Variants in PHTF1 observed in about 807,000 individuals in gnomAD.
PHTF1 encodes putative homeodomain transcription factor 1, also known as protein PHTF1.
PHTF1 carries 88 observed loss-of-function variants against 102.4 expected under a neutral mutation model. The ratio of observed to expected loss-of-function variants is 0.86; its 90% CI spans 0.72 to 1.03. The LOEUF is 1.03. Ranked by LOEUF, PHTF1 falls within the 50% of genes least tolerant of loss-of-function variation. The pLI is 0.00. For missense variants in PHTF1, 814 were observed against 909.5 expected (o/e 0.89, Z 1.35); for synonymous variants, 289 against 305.2 (o/e 0.95, Z 0.55).
chr1:113,710,226 T>G (rs768435410), intron 11 of PHTF1, 28 bp downstream of exon 11: 15 of 1,483,414 alleles, frequency 1.0e-5, no homozygotes, highest in Non-Finnish European at 1.3e-5. Context: ...CAATAAATAC[T>G]AGCTATTCTT....
At chr1:113,706,372 T>C (rs1190840900) in intron 12 of PHTF1, among the ~76,000 whole-genome samples, 3 of 152,266 alleles carry the variant, frequency 2.0e-5, no homozygotes, top group South Asian at 4.1e-4. Flanking sequence ...CAGTTGATTA[T>C]GTTAATAGAG....
intron 13 of PHTF1, among the ~76,000 whole-genome samples, chr1:113,705,011 G>A (rs1649912597): frequency 6.6e-6 from 1 of 152,162 alleles, no homozygotes; most frequent in African/African-American, 2.4e-5. Context: ...TCACAATGTG[G>A]TACACTCAAC....
At chr1:113,711,215 T>A (rs1047083244) in intron 10 of PHTF1, among the ~76,000 whole-genome samples, 6 of 151,986 alleles carry the variant, frequency 3.9e-5, no homozygotes, top group African/African-American at 1.4e-4. Flanking sequence ...GGATAATCAG[T>A]CAAAGAAAAG....
At chr1:113,699,298 A>G (rs1392989332) in intron 17 of PHTF1, 1 of 270,364 alleles carries the variant, frequency 3.7e-6, no homozygotes, top group East Asian at 1.2e-4. Flanking sequence ...GAGCTTGACC[A>G]TGATTATAGC....
chr1:113,723,694 A>ACT (rs1337137445), intron 7 of PHTF1, among the ~76,000 whole-genome samples: 2 of 152,132 alleles, frequency 1.3e-5, no homozygotes, highest in African/African-American at 4.8e-5. Context: ...CATTAGGGAA[A>ACT]CTCTCCAGAT....
intron 5 of PHTF1, among the ~76,000 whole-genome samples, chr1:113,735,479 A>C (rs1655353362): frequency 6.6e-6 from 1 of 151,660 alleles, no homozygotes; most frequent in East Asian, 1.9e-4. Context: ...TACAGACATT[A>C]AAATGATAGT....
chr1:113,704,446 T>C (rs568848834), intron 14 of PHTF1, among the ~76,000 whole-genome samples: 6 of 152,290 alleles, frequency 3.9e-5, no homozygotes, highest in Admixed American at 1.3e-4. Context: ...ACTTTGCCCC[T>C]AGGAAATTTA....
At chr1:113,737,884 A>G (rs2101595995) in intron 5 of PHTF1, among the ~76,000 whole-genome samples, 1 of 152,378 alleles carries the variant, frequency 6.6e-6, no homozygotes, top group Non-Finnish European at 1.5e-5. Context: ...CTGGCCAGTG[A>G]GACAGGTAGA....
At chr1:113,754,275 T>G (rs1029398838) in intron 3 of PHTF1, among the ~76,000 whole-genome samples, 1 of 152,000 alleles carries the variant, frequency 6.6e-6, no homozygotes, top group African/African-American at 2.4e-5. Flanking sequence ...TCCAAACCTG[T>G]TGGTGCATGC....
intron 3 of PHTF1, among the ~76,000 whole-genome samples, chr1:113,751,443 T>C (rs1361005944): frequency 1.3e-5 from 2 of 152,216 alleles, no homozygotes; most frequent in Admixed American, 6.5e-5. Flanking sequence ...TCTATTTCTA[T>C]AGATTTCTAG....
At chr1:113,700,763 A>G in intron 16 of PHTF1, 31 bp downstream of exon 16, 1 of 1,604,588 alleles carries the variant, frequency 6.2e-7, no homozygotes, top group Non-Finnish European at 8.5e-7. Context: ...ACCCCTAACC[A>G]CTAAACCCAA....
chr1:113,730,346 T>A (rs1254892062), intron 5 of PHTF1, among the ~76,000 whole-genome samples: 3 of 152,260 alleles, frequency 2.0e-5, no homozygotes, highest in African/African-American at 7.2e-5. Context: ...TAAAAATATT[T>A]CCTTAACATG....
At chr1:113,736,501 T>C (rs1009354627) in intron 5 of PHTF1, among the ~76,000 whole-genome samples, 3 of 151,770 alleles carry the variant, frequency 2.0e-5, no homozygotes, top group African/African-American at 7.3e-5. Flanking sequence ...TCCCAGCACT[T>C]TGGGAGGCTG....
At chr1:113,715,889 C>T (rs1040191552) in intron 7 of PHTF1, among the ~76,000 whole-genome samples, 2 of 150,324 alleles carry the variant, frequency 1.3e-5, no homozygotes, top group African/African-American at 4.9e-5. Context: ...TAGTGAGCTT[C>T]AAGACAGTAT....
chr1:113,704,187 T>G lies in PHTF1; in HGVS notation c.1804-20A>C, dbSNP rs183318121. The G allele has an allele frequency of 1.2e-5, 18 of 1,556,676 alleles. No homozygotes were observed. In the East Asian group the frequency reaches 3.8e-4, roughly 33 times the overall value. On this transcript the variant is annotated intron_variant, in intron 14 of 18. Transcript: ENST00000369604. ...CCGTCTCTGTGGAGTGAGACACATG[T>G]GTTAATGTTTTAGTTACTGGCAGAC...
At chr1:113,718,690 G>A (rs1557927761) in intron 7 of PHTF1, among the ~76,000 whole-genome samples, 1 of 152,224 alleles carries the variant, frequency 6.6e-6, no homozygotes, top group Non-Finnish European at 1.5e-5. Context: ...CCAAGGTTTG[G>A]AGCGTCCACC....
chr1:113,731,846 G>A lies in PHTF1; in HGVS notation c.332-5272C>T, dbSNP rs188878328. 5.3e-3 allele frequency among the ~76,000 whole-genome samples: 759 copies of A among 142,910 alleles called. 4 individuals are homozygous for A. Among genetic ancestry groups the A allele is most frequent in the African/African-American group, 0.019 (722 of 38,394 alleles). The allele number at this position is 142,910 out of a possible 152,430, so 93.8% of individuals were successfully genotyped here. On this transcript the variant is annotated intron_variant, in intron 5 of 18. Transcript: ENST00000369604. ...CGGGTGGCAGAGGTTGCAGTGAGCC[G>A]AGATCAAGCCACTGCACTCCAGCCT...
At chr1:113,740,255 A>G (rs1228736729) in intron 3 of PHTF1, among the ~76,000 whole-genome samples, 1 of 152,088 alleles carries the variant, frequency 6.6e-6, no homozygotes, top group African/African-American at 2.4e-5. Flanking sequence ...CTTTTTGATA[A>G]TAGCCATTCT....
intron 3 of PHTF1, among the ~76,000 whole-genome samples, chr1:113,748,636 A>C (rs1657565164): frequency 6.6e-6 from 1 of 152,046 alleles, no homozygotes; most frequent in African/African-American, 2.4e-5. Flanking sequence ...CCAGGCTCAG[A>C]TGATCTCCCA....
Sources: allele counts gnomAD v4.1 joint callset (sites outside exome capture counted in the v4.1 genomes callset), GRCh38; gene constraint gnomAD v4.1.1; transcripts MANE v1.5; gene names NCBI Gene and HGNC (gene_info 2026-07-23, HGNC 2026-07-21).